Variants in ZZEF1 observed in about 807,000 individuals in gnomAD.
The protein encoded by ZZEF1 is zinc finger ZZ-type and EF-hand domain containing 1.
A neutral mutation model predicts 342.8 loss-of-function variants in ZZEF1; 157 were observed. That is an observed-to-expected ratio of 0.46 (90% CI 0.40 to 0.52). The LOEUF is 0.52. ZZEF1 is among the 20% of genes least tolerant of loss of function. ZZEF1 has a pLI of 0.00. For synonymous variants in ZZEF1, 1,505 were observed against 1,429.1 expected, an observed-to-expected ratio of 1.05 and a Z score of -1.20; for missense variants, 3,480 against 3,725.6, an observed-to-expected ratio of 0.93 and a Z score of 1.72.
In ZZEF1 at chr17:4,014,052, C is replaced by G; in HGVS notation, c.8413+38G>C. On this transcript the variant is annotated intron_variant, in intron 51 of 54. Coordinates refer to ENST00000381638, the MANE Select transcript of ZZEF1 (RefSeq NM_015113.4). This position sits in a 1 kb window ranked among gnomAD's most constrained non-coding sequence, Gnocchi z 4.4. Reference sequence around the variant, plus strand: ...ACCCACAGCCATGGAGTGTCCCTGGCAGGCAGATGGTGTGAACGCAAAGCC... The same window carrying G: ...ACCCACAGCCATGGAGTGTCCCTGGGAGGCAGATGGTGTGAACGCAAAGCC... 2 of 1,586,940 alleles carry G rather than the reference C, an allele frequency of 1.3e-6. No homozygotes were observed. The highest frequency in any genetic ancestry group is 1.7e-6 in the Non-Finnish European group (2 of 1,155,878).
intron 17 of ZZEF1, 81 bp downstream of exon 17, chr17:4,082,356 C>T (rs1042386206): frequency 2.1e-6 from 3 of 1,397,244 alleles, no homozygotes; most frequent in South Asian, 1.2e-5. Context: ...TTCGAAGGCA[C>T]ATGAAAGGAA....
intron 37 of ZZEF1, among the ~76,000 whole-genome samples, chr17:4,044,680 A>C (rs971299787): frequency 1.3e-5 from 2 of 151,754 alleles, no homozygotes; most frequent in Non-Finnish European, 2.9e-5. Flanking sequence ...CACCATGCCC[A>C]GCTAATTTTT....
chr17:4,094,397 T>C (rs2198522), intron 11 of ZZEF1, among the ~76,000 whole-genome samples: 139,305 of 152,080 alleles, frequency 0.92, 65,080 homozygotes, highest in East Asian at 1. Context: ...AATCCACCTA[T>C]CTTGGCCTAC....
At position 4,042,546 on chromosome 17, in the gene ZZEF1, T is replaced by C; in HGVS notation, c.6189A>G (p.Ser2063=). ...GLPDAEDSEV[S]SQKPIEEKAV... is the part of the protein sequence containing the mutation. ...CTTTTTCCTCTATGGGCTTCTGAGA[T>C]GACACTTCTGAATCTTCAGCATCTA... Residue 2063 remains serine, a synonymous_variant, in exon 39 of 55, where the codon TCA becomes TCG. Coordinates refer to ENST00000381638, the MANE Select transcript of ZZEF1 (RefSeq NM_015113.4). The C allele has an allele frequency of 1.2e-6, 2 of 1,612,984 alleles. No individual in the cohort carries two copies. Among genetic ancestry groups the C allele is most frequent in the African/African-American group, 1.3e-5 (1 of 75,000 alleles).
At chr17:4,039,933 C>T (rs137947024) in intron 39 of ZZEF1, among the ~76,000 whole-genome samples, 4,751 of 152,146 alleles carry the variant, frequency 0.031, 146 homozygotes, top group African/African-American at 0.083. Context: ...CGTGAGCCAC[C>T]GTGCCCAGCC....
intron 32 of ZZEF1, among the ~76,000 whole-genome samples, 162 bp from the exon 33 acceptor site, chr17:4,056,507 T>C (rs1340821213): frequency 6.6e-6 from 1 of 152,154 alleles, no homozygotes; most frequent in Non-Finnish European, 1.5e-5. Context: ...TTGTCAAATA[T>C]TTGGTAGATA....
intron 16 of ZZEF1, among the ~76,000 whole-genome samples, chr17:4,083,266 T>C (rs1238965291): frequency 1.3e-5 from 2 of 152,250 alleles, no homozygotes; most frequent in Non-Finnish European, 2.9e-5. Context: ...TCATGCGTCC[T>C]GTTTCTACTT....
Position 4,034,250 on chromosome 17 carries a change from G to A in ZZEF1, c.6349C>T (p.Leu2117Phe), listed in dbSNP as rs1388513681. ...PLIDLEHVLP[L>F]MFQVVISNAG... ...TTTGAGATGACAACCTGAAACATGAGTGGAAGGACGTGCTCCAGGTCTATC... is the reference window on the plus strand; with the variant it reads ...TTTGAGATGACAACCTGAAACATGAATGGAAGGACGTGCTCCAGGTCTATC... The change falls in exon 40 of 55, where the codon CTC (leucine) becomes TTC (phenylalanine). Residue 2117 changes from leucine (L) to phenylalanine (F), a missense_variant. Leu to Phe is a conservative substitution (Grantham distance 22). Around this residue, in one of 5 missense-constraint regions of ZZEF1, gnomAD observed 1,269 missense variants for 1,342.4 expected, o/e 0.95. Transcript: ENST00000381638. 13 of 1,614,112 alleles carry A rather than the reference G, an allele frequency of 8.1e-6. No individual in the cohort carries two copies. The highest frequency in any genetic ancestry group is 1.0e-5 in the Non-Finnish European group (12 of 1,180,048).
At chr17:4,036,241 C>T (rs938434730) in intron 39 of ZZEF1, among the ~76,000 whole-genome samples, 6 of 152,146 alleles carry the variant, frequency 3.9e-5, no homozygotes, top group Admixed American at 6.6e-5. Flanking sequence ...GGTTTCTCAA[C>T]CTCAGTGCTA....
Position 4,014,577 on chromosome 17 carries a change from G to T in ZZEF1, c.8146-62C>A. On this transcript the variant is annotated intron_variant, in intron 49 of 54. Transcript: ENST00000381638. The surrounding 1 kb of genome is among the most constrained non-coding windows in gnomAD (Gnocchi z 4.4). ...TGCTCACTAGACACTGACTGCAGCT[G>T]TCCCATGCCGAGTCCTGTGGCTGGA... is the stretch of plus-strand genomic sequence containing the variant. 4.5e-6 allele frequency: 7 copies of T among 1,562,054 alleles called. No individual in the cohort carries two copies. Among genetic ancestry groups the T allele is most frequent in the Non-Finnish European group, 4.4e-6 (5 of 1,138,256 alleles).
Position 4,017,614 on chromosome 17 carries a change from C to G in ZZEF1, c.7758G>C (p.Lys2586Asn), listed in dbSNP as rs1453966319. 2 of 1,614,104 alleles carry G rather than the reference C, an allele frequency of 1.2e-6. No individual in the cohort carries two copies. The highest frequency in any genetic ancestry group is 1.1e-5 in the South Asian group (1 of 91,090). The change falls in exon 48 of 55, where the codon AAG (lysine) becomes AAC (asparagine). Residue 2586 changes from lysine to asparagine, a missense_variant. By Grantham distance (94) the Lys-to-Asn change is moderately conservative. This residue lies in a region of ZZEF1 where 1,269 missense variants were observed against 1,342.4 expected (regional missense o/e 0.95). Transcript: ENST00000381638. The surrounding 1 kb of genome is among the most constrained non-coding windows in gnomAD (Gnocchi z 5.1). ...GCTCCTTGTGCAGGAGGGCGGCGCT[C>G]TTGCTACGGCGCTGCTTGGCATAGC... ...QQSYAKQRRS[K>N]SAALLHKELN...
At chr17:4,019,954 C>A in intron 45 of ZZEF1, 185 bp from the exon 46 acceptor site, 1 of 504,076 alleles carries the variant, frequency 2.0e-6, no homozygotes, top group Non-Finnish European at 3.4e-6. Context: ...ACTATAACAC[C>A]TACACTACGA....
intron 9 of ZZEF1, among the ~76,000 whole-genome samples, chr17:4,098,969 G>C (rs1567840317): frequency 6.6e-6 from 1 of 152,158 alleles, no homozygotes. Context: ...CTATGTAAAA[G>C]AAATCTATGT....
At position 4,044,185 on chromosome 17, in the gene ZZEF1, AGATG is replaced by A. The variant is rs760526918; in HGVS notation, c.6166+35_6166+38del. ...CAGGGATGGGTATATGTGCATTTTA[AGATG>A]AAAGAGATGAAGATAATGGTCAAAT... is the stretch of plus-strand genomic sequence containing the variant. On this transcript the variant is annotated intron_variant, in intron 38 of 54. Coordinates refer to ENST00000381638, the MANE Select transcript of ZZEF1 (RefSeq NM_015113.4). The A allele has an allele frequency of 3.7e-6, 6 of 1,606,804 alleles. No individual in the cohort carries two copies. The Admixed American group carries it at 1.0e-4, about 27-fold the overall frequency.
At position 4,039,924 on chromosome 17, in the gene ZZEF1, G is replaced by A. The variant is rs58927670; in HGVS notation, c.6306+2505C>T. Among the ~76,000 whole-genome samples, 702 of 152,164 alleles carry A rather than the reference G, an allele frequency of 4.6e-3. 5 individuals carry two copies. Among genetic ancestry groups the A allele is most frequent in the African/African-American group, 0.016 (673 of 41,518 alleles). On this transcript the variant is annotated intron_variant, in intron 39 of 54. Coordinates refer to ENST00000381638, the MANE Select transcript of ZZEF1 (RefSeq NM_015113.4). ...CTCCCAAAGTGCTGGGATTACAGGC[G>A]TGAGCCACCGTGCCCAGCCGAGAAC... is the stretch of plus-strand genomic sequence containing the variant.
chr17:4,016,329 G>A lies in ZZEF1; in HGVS notation c.8139C>T (p.Asn2713=), dbSNP rs776948648. The A allele has an allele frequency of 3.7e-6, 6 of 1,613,646 alleles. No individual in the cohort carries two copies. In the East Asian group the frequency reaches 6.7e-5, roughly 18 times the overall value. ...CTGCCGGCCCCAGGCTTACCTCGAA[G>A]TTGGTGTTGTTGTTATACGGGTGTT... ...ESKHPYNNNT[N]FEDKVHIPGA... The change falls in exon 49 of 55, where the codon AAC becomes AAT. Residue 2713 remains asparagine (N), a synonymous_variant. Coordinates refer to ENST00000381638, the MANE Select transcript of ZZEF1 (RefSeq NM_015113.4). This position sits in a 1 kb window ranked among gnomAD's most constrained non-coding sequence, Gnocchi z 4.4.
rs763204773 is a variant in ZZEF1 at position 4,112,724 on chromosome 17, C to T, written c.951G>A (p.Val317=). ...ATDQSYMPQQ[V]TVAVGRNASD... Reference sequence around the variant, plus strand: ...TGGCATTCCTCCCTACAGCTACTGTCACCTGCTGTGGCATGTAGCTCTGGT... The same window carrying T: ...TGGCATTCCTCCCTACAGCTACTGTTACCTGCTGTGGCATGTAGCTCTGGT... The change falls in exon 5 of 55, where the codon GTG becomes GTA. Residue 317 remains valine, a synonymous_variant. Transcript: ENST00000381638. The T allele has an allele frequency of 6.2e-7, 1 of 1,614,034 alleles. No homozygotes were observed. The highest frequency in any genetic ancestry group is 8.5e-7 in the Non-Finnish European group (1 of 1,179,884).
intron 39 of ZZEF1, among the ~76,000 whole-genome samples, chr17:4,041,753 G>C (rs1340352260): frequency 2.0e-5 from 3 of 151,960 alleles, no homozygotes; most frequent in Admixed American, 6.6e-5. Context: ...AATAACGAAG[G>C]CATACCTAAA....
intron 10 of ZZEF1, 101 bp from the exon 11 acceptor site, chr17:4,096,080 G>A: frequency 7.8e-7 from 1 of 1,279,488 alleles, no homozygotes; most frequent in Admixed American, 2.9e-5. Flanking sequence ...AACAAAACGA[G>A]ACCAATGAAA....
Sources: gnomAD v4.1 joint callset for allele counts (sites outside exome capture counted in the v4.1 genomes callset) on GRCh38, gnomAD v4.1.1 for gene constraint, gnomAD v4.1.1 regional missense constraint, Gnocchi (gnomAD v3.1) non-coding constraint, MANE v1.5 for transcripts, NCBI Gene and HGNC (gene_info 2026-07-23, HGNC 2026-07-21) for gene names.